Variants in BLTP1 observed in about 807,000 individuals in gnomAD.
BLTP1 encodes the protein bridge-like lipid transfer protein family member 1, also known as fragile site-associated protein.
chr4:122,212,480 T>G, the BLTP1 span, among the ~76,000 whole-genome samples: 1 of 152,212 alleles, frequency 6.6e-6, no homozygotes, highest in East Asian at 1.9e-4. Context: ...TGTATTTTAC[T>G]TAAATATAAG....
the BLTP1 span, chr4:122,339,135 T>C: frequency 3.4e-6 from 5 of 1,485,406 alleles, no homozygotes; most frequent in Non-Finnish European, 4.6e-6. Flanking sequence ...TTTGAACATT[T>C]CAATATTATT....
At chr4:122,194,247 G>A in the BLTP1 span, among the ~76,000 whole-genome samples, 2 of 152,100 alleles carry the variant, frequency 1.3e-5, no homozygotes, top group Non-Finnish European at 2.9e-5. Context: ...TAGTATATAG[G>A]AATACCTGCC....
the BLTP1 span, chr4:122,246,144 C>A: frequency 1.9e-6 from 3 of 1,556,366 alleles, no homozygotes; most frequent in East Asian, 7.0e-5. Flanking sequence ...CACTTACGAT[C>A]TTTTTAGTTA....
At chr4:122,207,284 T>G in the BLTP1 span, 2 of 1,575,598 alleles carry the variant, frequency 1.3e-6, no homozygotes, top group Non-Finnish European at 1.7e-6. Flanking sequence ...TTAAAAAAAA[T>G]TAGGTTAAAT....
chr4:122,301,159 G>A, the BLTP1 span: 3 of 1,132,858 alleles, frequency 2.6e-6, no homozygotes, highest in Non-Finnish European at 3.6e-6. Context: ...ATCTGTCTCA[G>A]TTAAATGTAA....
chr4:122,310,417 T>G, the BLTP1 span, among the ~76,000 whole-genome samples: 3 of 152,218 alleles, frequency 2.0e-5, no homozygotes, highest in Admixed American at 2.0e-4. Context: ...ATATGAGGTT[T>G]TTTTGTGACA....
chr4:122,207,640 T>G, the BLTP1 span: 3 of 1,579,116 alleles, frequency 1.9e-6, no homozygotes, highest in Non-Finnish European at 2.6e-6. Context: ...TCTTTAAGAG[T>G]ATGTATAGTT....
chr4:122,222,878 C>A, the BLTP1 span: 1 of 473,832 alleles, frequency 2.1e-6, no homozygotes, highest in Non-Finnish European at 2.8e-6. Flanking sequence ...TCAACCCACG[C>A]ATGATGCAAA....
the BLTP1 span, among the ~76,000 whole-genome samples, chr4:122,217,342 T>C: frequency 6.6e-6 from 1 of 152,122 alleles, no homozygotes; most frequent in Non-Finnish European, 1.5e-5. Flanking sequence ...TGCAGGTTCT[T>C]TTTTGGTTCC....
At chr4:122,342,431 C>G in the BLTP1 span, among the ~76,000 whole-genome samples, 1 of 152,104 alleles carries the variant, frequency 6.6e-6, no homozygotes, top group South Asian at 2.1e-4. Flanking sequence ...TCTCAGCTCA[C>G]TGCAGCCTCT....
chr4:122,199,373 A>G, the BLTP1 span: 2 of 1,613,240 alleles, frequency 1.2e-6, no homozygotes, highest in Non-Finnish European at 8.5e-7. Context: ...CACTCCTGCT[A>G]TTAAGGGACA....
the BLTP1 span, chr4:122,279,816 A>G: frequency 6.2e-7 from 1 of 1,614,006 alleles, no homozygotes; most frequent in Non-Finnish European, 8.5e-7. Flanking sequence ...CAAGCCCTCT[A>G]CAGTGCCCAA....
chr4:122,220,361 C>T, the BLTP1 span: 1 of 1,613,302 alleles, frequency 6.2e-7, no homozygotes. Context: ...CCTGAATGCC[C>T]TACAGCTTTC....
chr4:122,312,939 CTA>C, the BLTP1 span: 4 of 838,380 alleles, frequency 4.8e-6, no homozygotes, highest in East Asian at 4.9e-4. Context: ...GGTCTTAATT[CTA>C]TGTTTAGAGT....
chr4:122,194,503 G>C, the BLTP1 span: 1 of 868,364 alleles, frequency 1.2e-6, no homozygotes, highest in Non-Finnish European at 1.4e-6. Flanking sequence ...GCATATAGTT[G>C]AAAATGAGAG....
the BLTP1 span, among the ~76,000 whole-genome samples, chr4:122,352,131 G>A: frequency 6.6e-6 from 1 of 152,092 alleles, no homozygotes; most frequent in South Asian, 2.1e-4. Flanking sequence ...AAAGGAATAT[G>A]AGTTTAAAAG....
chr4:122,262,691 G>T, the BLTP1 span: 1 of 1,497,106 alleles, frequency 6.7e-7, no homozygotes, highest in Non-Finnish European at 8.9e-7. Context: ...AACAGTAATA[G>T]TAATAGTGGT....
the BLTP1 span, chr4:122,343,992 ATAATT>A: frequency 6.3e-6 from 6 of 957,230 alleles, no homozygotes; most frequent in South Asian, 4.8e-5. Flanking sequence ...AAAAGAGACT[ATAATT>A]TAAGTCAGCC....
chr4:122,262,030 A>G, the BLTP1 span: 2 of 984,346 alleles, frequency 2.0e-6, no homozygotes, highest in Non-Finnish European at 2.4e-6. Context: ...GTAGATGTCT[A>G]TTCTGACTCC....
Sources: allele counts gnomAD v4.1 joint callset (sites outside exome capture counted in the v4.1 genomes callset), GRCh38; gene constraint gnomAD v4.1.1; transcripts MANE v1.5; gene names NCBI Gene and HGNC (gene_info 2026-07-23, HGNC 2026-07-21).